SLC1A2: variants seen among roughly 807,000 people sequenced by gnomAD.
SLC1A2 encodes the protein solute carrier family 1 member 2, also known as excitatory amino acid transporter 2.
In SLC1A2, 15 loss-of-function variants were observed where a neutral mutation model predicts 48.8. The ratio of observed to expected loss-of-function variants is 0.31; its 90% CI spans 0.21 to 0.47. SLC1A2 has a LOEUF of 0.47. SLC1A2 is among the 20% of genes least tolerant of loss of function. The pLI, the probability that SLC1A2 is intolerant of heterozygous loss-of-function variation, is 0.99. For missense variants in SLC1A2, 502 were observed against 730.5 expected, an observed-to-expected ratio of 0.69 and a Z score of 3.61; for synonymous variants, 279 against 272.6, an observed-to-expected ratio of 1.02 and a Z score of -0.23.
intron 1 of SLC1A2, among the ~76,000 whole-genome samples, chr11:35,365,313 G>A (rs1166680687): frequency 6.6e-6 from 1 of 152,154 alleles, no homozygotes; most frequent in African/African-American, 2.4e-5. Flanking sequence ...CCTTACACAT[G>A]ATCAATGATA....
intron 9 of SLC1A2, among the ~76,000 whole-genome samples, chr11:35,271,658 A>G (rs1850282259): frequency 6.6e-6 from 1 of 152,120 alleles, no homozygotes. Context: ...CCTGGCCAGC[A>G]CGGTGAAACC....
At chr11:35,364,946 T>C (rs1288436981) in intron 1 of SLC1A2, among the ~76,000 whole-genome samples, 4 of 152,176 alleles carry the variant, frequency 2.6e-5, no homozygotes, top group African/African-American at 4.8e-5. Flanking sequence ...AAGAAGTCCA[T>C]ACCTGGTGGA....
intron 1 of SLC1A2, among the ~76,000 whole-genome samples, chr11:35,388,421 G>A (rs979385744): frequency 6.6e-6 from 1 of 152,110 alleles, no homozygotes; most frequent in African/African-American, 2.4e-5. Context: ...TTGACACAGG[G>A]TCTCACTCTG....
upstream of SLC1A2, chr11:35,419,800 C>T (rs1314696067): frequency 5.6e-5 from 19 of 338,138 alleles, no homozygotes; most frequent in South Asian, 1.1e-4. The surrounding 1 kb of genome is among the most constrained non-coding windows in gnomAD (Gnocchi z 5.4). Flanking sequence ...GGGTGAAGCG[C>T]AGGCGACCGC....
intron 8 of SLC1A2, among the ~76,000 whole-genome samples, chr11:35,283,297 A>G (rs1850699179): frequency 6.6e-6 from 1 of 152,202 alleles, no homozygotes; most frequent in African/African-American, 2.4e-5. Flanking sequence ...GTGAAAGGAG[A>G]GAAATGAAAA....
intron 1 of SLC1A2, among the ~76,000 whole-genome samples, chr11:35,383,589 A>T (rs1854497492): frequency 6.6e-6 from 1 of 152,222 alleles, no homozygotes; most frequent in Non-Finnish European, 1.5e-5. Context: ...TCTATAAAAC[A>T]GGGATGGTAA....
At chr11:35,271,094 G>A (rs1850266799) in intron 9 of SLC1A2, among the ~76,000 whole-genome samples, 1 of 152,216 alleles carries the variant, frequency 6.6e-6, no homozygotes, top group African/African-American at 2.4e-5. Context: ...AGACTGATTG[G>A]TTATAGGGAA....
chr11:35,399,089 C>T (rs1855062144), intron 1 of SLC1A2, among the ~76,000 whole-genome samples: 1 of 152,168 alleles, frequency 6.6e-6, no homozygotes, highest in Non-Finnish European at 1.5e-5. Flanking sequence ...GCCAGTTACT[C>T]ACAAAATAAA....
chr11:35,376,510 T>C (rs927202794), intron 1 of SLC1A2, among the ~76,000 whole-genome samples: 3 of 152,124 alleles, frequency 2.0e-5, no homozygotes, highest in African/African-American at 7.2e-5. Flanking sequence ...CTTCTATAAG[T>C]CTAAAATTGT....
chr11:35,379,445 G>A (rs778191893), intron 1 of SLC1A2, among the ~76,000 whole-genome samples: 1 of 152,152 alleles, frequency 6.6e-6, no homozygotes, highest in Non-Finnish European at 1.5e-5. Context: ...ATAAAATCCT[G>A]GGTAAGCAAA....
chr11:35,338,828 C>T (rs941861865), intron 1 of SLC1A2, among the ~76,000 whole-genome samples: 1 of 152,194 alleles, frequency 6.6e-6, no homozygotes, highest in African/African-American at 2.4e-5. Context: ...TTGAAATAGA[C>T]ACAATTACTT....
intron 1 of SLC1A2, among the ~76,000 whole-genome samples, chr11:35,335,034 T>G (rs1382780613): frequency 6.6e-6 from 1 of 152,156 alleles, no homozygotes; most frequent in Non-Finnish European, 1.5e-5. Context: ...ACCCAACCCC[T>G]TTTCATTACA....
intron 1 of SLC1A2, among the ~76,000 whole-genome samples, chr11:35,417,311 G>A (rs71480072): frequency 7.9e-5 from 12 of 152,270 alleles, no homozygotes; most frequent in Non-Finnish European, 1.6e-4. Context: ...ACTTAGTTTG[G>A]GGTTGTTGTT....
intron 9 of SLC1A2, among the ~76,000 whole-genome samples, chr11:35,270,812 A>T (rs4756205): frequency 0.37 from 55,627 of 152,150 alleles, 10,512 homozygotes; most frequent in South Asian, 0.53. Context: ...GAACACTTAG[A>T]TGAATTCAGG....
rs1950286099 is a variant in SLC1A2, at chr11:35,254,447, A to C, written c.*6447T>G. The C allele has an allele frequency of 6.0e-6, 1 of 165,704 alleles. No homozygotes were observed. The highest frequency in any genetic ancestry group is 2.4e-5 in the African/African-American group (1 of 41,656). 10.3% of individuals were successfully genotyped at this position (165,704 alleles called of 1,614,324 possible). On this transcript the variant is annotated 3_prime_UTR_variant, in exon 11 of 11. Coordinates refer to ENST00000278379, the MANE Select transcript of SLC1A2 (RefSeq NM_004171.4). ...ACTTTCTGATCATTTATCTCAGGGA[A>C]TTCGCTCCATGGGTCCATGGGGGAG...
intron 6 of SLC1A2, 76 bp downstream of exon 6, chr11:35,301,443 G>T: frequency 7.1e-7 from 1 of 1,413,060 alleles, no homozygotes; most frequent in Non-Finnish European, 9.8e-7. Context: ...TTTCCTGCAG[G>T]GAGAGCTCCA....
At chr11:35,269,849 C>T (rs1850230126) in intron 9 of SLC1A2, among the ~76,000 whole-genome samples, 1 of 152,206 alleles carries the variant, frequency 6.6e-6, no homozygotes, top group Non-Finnish European at 1.5e-5. Context: ...GTGGCTCACG[C>T]CTGCAATCCC....
At chr11:35,277,333 G>A (rs1591416528) in intron 9 of SLC1A2, among the ~76,000 whole-genome samples, 1 of 152,124 alleles carries the variant, frequency 6.6e-6, no homozygotes, top group Non-Finnish European at 1.5e-5. Flanking sequence ...GTCCTGACCT[G>A]GCCATACAAG....
At position 35,260,876 on chromosome 11, in the gene SLC1A2, T is replaced by C. The variant is rs1950382931; in HGVS notation, c.*18A>G. On this transcript the variant is annotated 3_prime_UTR_variant, in exon 11 of 11. Coordinates refer to ENST00000278379, the MANE Select transcript of SLC1A2 (RefSeq NM_004171.4). ...TACGCTGGGGAGTTTATTCAAGAAT[T>C]TGCTGAGACTCATATCCTTATTTCT... 1.3e-6 allele frequency: 2 copies of C among 1,580,078 alleles called. No homozygotes were observed. The highest frequency in any genetic ancestry group is 1.7e-6 in the Non-Finnish European group (2 of 1,149,026).
Sources: gnomAD v4.1 joint callset for allele counts (sites outside exome capture counted in the v4.1 genomes callset) on GRCh38, gnomAD v4.1.1 for gene constraint, Gnocchi (gnomAD v3.1) non-coding constraint, MANE v1.5 for transcripts, NCBI Gene and HGNC (gene_info 2026-07-23, HGNC 2026-07-21) for gene names.